FRMD5: variants seen among roughly 807,000 people sequenced by gnomAD.
FRMD5 encodes the protein FERM domain-containing protein 5.
In FRMD5, 20 loss-of-function variants were observed where a neutral mutation model predicts 69.0. The observed-to-expected ratio is 0.29, with a 90% CI of 0.20 to 0.42. FRMD5 has a LOEUF of 0.42. Ranked by LOEUF, FRMD5 falls within the 10% of genes least tolerant of loss-of-function variation. FRMD5 has a pLI of 1.00. For synonymous variants in FRMD5, 271 were observed against 260.1 expected, an observed-to-expected ratio of 1.04 and a Z score of -0.40; for missense variants, 595 against 708.6, an observed-to-expected ratio of 0.84 and a Z score of 1.82.
chr15:44,123,746 G>A (rs1030302174), intron 1 of FRMD5, among the ~76,000 whole-genome samples: 2 of 152,002 alleles, frequency 1.3e-5, no homozygotes, highest in Non-Finnish European at 2.9e-5. Flanking sequence ...GAGAGAAAAA[G>A]ATAAATTTTG....
intron 1 of FRMD5, among the ~76,000 whole-genome samples, chr15:43,925,398 T>A (rs1217138298): frequency 6.6e-6 from 1 of 152,242 alleles, no homozygotes; most frequent in Non-Finnish European, 1.5e-5. Flanking sequence ...AACATATTTT[T>A]AAGCTCTTTT....
chr15:44,087,788 C>T (rs62023732), intron 1 of FRMD5, among the ~76,000 whole-genome samples: 5 of 136,192 alleles, frequency 3.7e-5, no homozygotes, highest in South Asian at 2.3e-4. Context: ...TCATCATCAT[C>T]CCAGGCATTG....
chr15:44,074,214 C>T (rs1476124122), intron 1 of FRMD5, among the ~76,000 whole-genome samples: 1 of 152,026 alleles, frequency 6.6e-6, no homozygotes, highest in Non-Finnish European at 1.5e-5. Flanking sequence ...TCATAGAAGC[C>T]CCCCCAAAGT....
chr15:43,881,504 C>T (rs1291357240), intron 13 of FRMD5, among the ~76,000 whole-genome samples: 1 of 152,166 alleles, frequency 6.6e-6, no homozygotes, highest in Non-Finnish European at 1.5e-5. Context: ...CTCTCCCACA[C>T]CCAGCTCTGT....
At chr15:43,891,123 C>A (rs554175868) in intron 8 of FRMD5, among the ~76,000 whole-genome samples, 2 of 152,272 alleles carry the variant, frequency 1.3e-5, no homozygotes, top group African/African-American at 4.8e-5. Context: ...CAGGAAGGTA[C>A]AGAAATCACA....
intron 1 of FRMD5, among the ~76,000 whole-genome samples, chr15:43,963,131 G>A (rs2090232157): frequency 6.6e-6 from 1 of 152,070 alleles, no homozygotes; most frequent in Admixed American, 6.5e-5. Flanking sequence ...CCTACAGAAT[G>A]GGAGAAAAGT....
chr15:43,914,010 T>A (rs2089337454), intron 4 of FRMD5, among the ~76,000 whole-genome samples: 1 of 152,220 alleles, frequency 6.6e-6, no homozygotes, highest in Non-Finnish European at 1.5e-5. Context: ...TCAGAGGGGC[T>A]TTACCTCACC....
chr15:44,013,631 GA>G (rs1890823751), intron 1 of FRMD5, among the ~76,000 whole-genome samples: 1 of 152,074 alleles, frequency 6.6e-6, no homozygotes, highest in South Asian at 2.1e-4. Context: ...AATATGTTCT[GA>G]ATTCCAGCTT....
At chr15:43,969,952 T>C (rs2090350535) in intron 1 of FRMD5, among the ~76,000 whole-genome samples, 1 of 152,340 alleles carries the variant, frequency 6.6e-6, no homozygotes, top group South Asian at 2.1e-4. Context: ...CCTCTCATTA[T>C]GAAACCTGCC....
intron 1 of FRMD5, among the ~76,000 whole-genome samples, chr15:43,992,177 C>A (rs1253192733): frequency 6.6e-6 from 1 of 152,114 alleles, no homozygotes; most frequent in Non-Finnish European, 1.5e-5. Context: ...GTTCTTTAAT[C>A]AAACTTCCAG....
intron 1 of FRMD5, among the ~76,000 whole-genome samples, chr15:43,981,974 G>A (rs752509229): frequency 2.0e-5 from 3 of 152,158 alleles, no homozygotes; most frequent in Admixed American, 1.3e-4. Context: ...GTGAAGTCAC[G>A]TACAACACCT....
rs936961439 is a variant in FRMD5 at position 44,080,873 on chromosome 15, G to A, written c.102+114080C>T. On this transcript the variant is annotated intron_variant, in intron 1 of 13. Coordinates refer to ENST00000417257, the MANE Select transcript of FRMD5 (RefSeq NM_032892.5). The stretch of plus-strand genomic sequence containing the variant: ...ATTTATGAATTTCCTCTAAATCTTG[G>A]CTAATCATTTTGGTTCATTTGCAAA... Among the ~76,000 whole-genome samples, 7 of 152,094 alleles carry A rather than the reference G, an allele frequency of 4.6e-5. No individual in the cohort carries two copies. In the East Asian group the frequency reaches 1.2e-3, roughly 25 times the overall value.
chr15:44,068,005 A>G (rs1226773364), intron 1 of FRMD5, among the ~76,000 whole-genome samples: 1 of 152,246 alleles, frequency 6.6e-6, no homozygotes, highest in Non-Finnish European at 1.5e-5. Flanking sequence ...ATCATTAAAG[A>G]AATGCAAATC....
intron 1 of FRMD5, among the ~76,000 whole-genome samples, chr15:44,175,534 C>T (rs111337188): frequency 5.5e-4 from 83 of 152,080 alleles, no homozygotes; most frequent in Non-Finnish European, 8.2e-4. Flanking sequence ...AATGATATAG[C>T]CACTTTGGAA....
intron 13 of FRMD5, among the ~76,000 whole-genome samples, chr15:43,881,642 C>T (rs1859199507): frequency 6.6e-6 from 1 of 152,184 alleles, no homozygotes; most frequent in South Asian, 2.1e-4. Context: ...CCTGTAAACG[C>T]TTTAGTCTCT....
chr15:44,020,064 C>T (rs2140248175), intron 1 of FRMD5, among the ~76,000 whole-genome samples: 1 of 151,896 alleles, frequency 6.6e-6, no homozygotes, highest in South Asian at 2.1e-4. Flanking sequence ...ATCCTTATCT[C>T]TATTAGAGTC....
At chr15:43,916,644 G>T (rs1343103831) in intron 4 of FRMD5, among the ~76,000 whole-genome samples, 1 of 152,160 alleles carries the variant, frequency 6.6e-6, no homozygotes, top group Non-Finnish European at 1.5e-5. Context: ...TTATTTCCAA[G>T]TTAAGTATCT....
chr15:43,874,335 G>C lies in FRMD5; in HGVS notation c.1263C>G (p.Asp421Glu). The C allele has an allele frequency of 4.3e-6, 7 of 1,614,208 alleles. No individual in the cohort carries two copies. The highest frequency in any genetic ancestry group is 1.3e-5 in the African/African-American group (1 of 75,064). The change falls in exon 14 of 14, where the codon GAC becomes GAG. Residue 421 changes from aspartate to glutamate, a missense_variant. By Grantham distance (45) the Asp-to-Glu change is conservative. This residue lies in a region of FRMD5 where 245 missense variants were observed against 227.1 expected (regional missense o/e 1.08). Transcript: ENST00000417257. ...CGCTGTCTGCAGGGCTGTAGGCCTC[G>C]TCTGCAATCACAGCTACTCGCTCAT... is the stretch of plus-strand genomic sequence containing the variant. ...DSNERVAVIA[D>E]EAYSPADSVL...
At chr15:43,927,812 T>C (rs940752888) in intron 1 of FRMD5, among the ~76,000 whole-genome samples, 5 of 152,116 alleles carry the variant, frequency 3.3e-5, no homozygotes, top group Non-Finnish European at 5.9e-5. Context: ...AGAAGTTTGC[T>C]TCCATACATA....
Sources: allele counts gnomAD v4.1 joint callset (sites outside exome capture counted in the v4.1 genomes callset), GRCh38; gene constraint gnomAD v4.1.1; regional missense constraint gnomAD v4.1.1; transcripts MANE v1.5; gene names NCBI Gene and HGNC (gene_info 2026-07-23, HGNC 2026-07-21).